GRK4: variants seen among roughly 807,000 people sequenced by gnomAD.
GRK4 encodes G protein-coupled receptor kinase 2-like.
Under a neutral mutation model 77.9 loss-of-function variants are expected in GRK4, and 73 were observed. The ratio of observed to expected loss-of-function variants is 0.94; its 90% CI spans 0.78 to 1.14. The LOEUF is 1.14. Ranked by LOEUF, GRK4 falls within the 50% of genes most tolerant of loss-of-function variation. The pLI is 0.00. For synonymous variants in GRK4, 257 were observed against 254.4 expected (o/e 1.01, Z -0.10); for missense variants, 729 against 700.2 (o/e 1.04, Z -0.46).
intron 4 of GRK4, among the ~76,000 whole-genome samples, chr4:2,999,929 A>G (rs1304813411): frequency 6.6e-6 from 1 of 152,236 alleles, no homozygotes; most frequent in Non-Finnish European, 1.5e-5. Flanking sequence ...TTACAATGCA[A>G]CAATAAAAAG....
At chr4:3,004,404 G>A (rs1236405897) in intron 5 of GRK4, 70 bp downstream of exon 5, 1 of 993,186 alleles carries the variant, frequency 1.0e-6, no homozygotes, top group Non-Finnish European at 1.6e-6. Flanking sequence ...CTTTCAGGAG[G>A]TTTCTCTGCA....
intron 1 of GRK4, among the ~76,000 whole-genome samples, chr4:2,979,723 C>G (rs914752249): frequency 2.6e-5 from 4 of 152,114 alleles, no homozygotes; most frequent in Non-Finnish European, 5.9e-5. Flanking sequence ...CCCTACCCCC[C>G]CAAAAAAAAT....
Position 2,996,362 on chromosome 4 carries a change from C to A in GRK4, c.339+4070C>A, listed in dbSNP as rs535524280. On this transcript the variant is annotated intron_variant, in intron 4 of 15. Transcript: ENST00000398052. Reference sequence around the variant, plus strand: ...CTGTGGTCAGAAGTTCGAGACCATCCTGGCCAAGATGGTGAAACCCCGTCT... The same window carrying A: ...CTGTGGTCAGAAGTTCGAGACCATCATGGCCAAGATGGTGAAACCCCGTCT... Among the ~76,000 whole-genome samples the A allele has an allele frequency of 5.3e-5, 8 of 152,220 alleles. No homozygotes were observed. In the South Asian group the frequency reaches 1.7e-3, roughly 32 times the overall value.
At chr4:2,999,755 C>T (rs1192963608) in intron 4 of GRK4, among the ~76,000 whole-genome samples, 1 of 152,110 alleles carries the variant, frequency 6.6e-6, no homozygotes, top group African/African-American at 2.4e-5. Flanking sequence ...ACCTAAAGCA[C>T]AAGCAACAAA....
At chr4:3,008,802 CAAAA>C (rs61512480) in intron 6 of GRK4, among the ~76,000 whole-genome samples, 1 of 105,002 alleles carries the variant, frequency 9.5e-6, no homozygotes, top group Admixed American at 1.0e-4. Flanking sequence ...GACTCTGTCT[CAAAA>C]AAAAAAAAAA....
rs1189140216 is a variant in GRK4 at position 2,963,997 on chromosome 4, C to T, written c.-74C>T. 6 of 1,346,538 alleles carry T rather than the reference C, an allele frequency of 4.5e-6. No homozygotes were observed. Among genetic ancestry groups the T allele is most frequent in the Admixed American group, 3.8e-5 (2 of 52,440 alleles). The allele number at this position is 1,346,538 out of a possible 1,614,324, so 83.4% of individuals were successfully genotyped here. A position where few individuals can be genotyped will look rare whatever the true frequency, so the allele number is the denominator to read the frequency against. On this transcript the variant is annotated 5_prime_UTR_variant, in exon 1 of 16. Coordinates refer to ENST00000398052, the MANE Select transcript of GRK4 (RefSeq NM_182982.3). ...CCCGGCGAGCTATGCACGGGGGCGG[C>T]GGCGTCTCCTCCTGTTCCGCCTCCT...
intron 12 of GRK4, 133 bp from the exon 13 acceptor site, chr4:3,035,253 A>T: frequency 1.1e-6 from 1 of 929,582 alleles, no homozygotes; most frequent in African/African-American, 1.7e-5. Context: ...TCAAAAAAAG[A>T]AAAAAAAAGA....
intron 1 of GRK4, among the ~76,000 whole-genome samples, chr4:2,973,199 C>T (rs541008438): frequency 1.0e-3 from 153 of 152,358 alleles, no homozygotes; most frequent in Non-Finnish European, 1.7e-3. Flanking sequence ...GTCATGCTTT[C>T]TTCCGTGAGC....
intron 12 of GRK4, among the ~76,000 whole-genome samples, chr4:3,034,908 T>C: frequency 6.6e-6 from 1 of 152,176 alleles, no homozygotes; most frequent in Non-Finnish European, 1.5e-5. Context: ...TGAAGTGTCA[T>C]ATAATTTAAT....
intron 5 of GRK4, among the ~76,000 whole-genome samples, chr4:3,007,109 G>A (rs981941873): frequency 6.6e-6 from 1 of 152,240 alleles, no homozygotes; most frequent in Admixed American, 6.5e-5. Flanking sequence ...GGCTGAGATG[G>A]GAGGATTGCT....
intron 7 of GRK4, 26 bp downstream of exon 7, chr4:3,009,737 C>T: frequency 6.3e-7 from 1 of 1,585,004 alleles, no homozygotes; most frequent in Non-Finnish European, 8.7e-7. Flanking sequence ...CAGTTCATAG[C>T]AGCGCTGCTA....
intron 4 of GRK4, among the ~76,000 whole-genome samples, 175 bp downstream of exon 4, chr4:2,992,467 C>T (rs1726528278): frequency 6.6e-6 from 1 of 151,946 alleles, no homozygotes; most frequent in African/African-American, 2.4e-5. Context: ...ATCTCTTTAG[C>T]CCAGGAGTTC....
At chr4:2,999,747 C>A (rs1423216121) in intron 4 of GRK4, among the ~76,000 whole-genome samples, 1 of 152,052 alleles carries the variant, frequency 6.6e-6, no homozygotes, top group East Asian at 1.9e-4. Context: ...GATATGACAC[C>A]TAAAGCACAA....
At chr4:3,038,825 C>A (rs537331449) in intron 15 of GRK4, 5 of 255,776 alleles carry the variant, frequency 2.0e-5, no homozygotes, top group African/African-American at 1.2e-4. Flanking sequence ...TCCTGTGGAA[C>A]CTTCGTCAGA....
intron 8 of GRK4, among the ~76,000 whole-genome samples, chr4:3,015,444 G>A (rs1734156716): frequency 6.6e-6 from 1 of 152,048 alleles, no homozygotes; most frequent in African/African-American, 2.4e-5. Flanking sequence ...CCAGCACTTT[G>A]GGAGGCCGAG....
At chr4:3,000,731 AT>A (rs749119482) in intron 4 of GRK4, among the ~76,000 whole-genome samples, 9 of 148,610 alleles carry the variant, frequency 6.1e-5, no homozygotes, top group African/African-American at 1.5e-4. Flanking sequence ...TGCCCAGCTA[AT>A]TTTTTTTTTG....
chr4:2,976,596 C>T (rs540145759), intron 1 of GRK4, among the ~76,000 whole-genome samples: 1 of 150,882 alleles, frequency 6.6e-6, no homozygotes, highest in East Asian at 1.9e-4. Context: ...CCGTTCTTTC[C>T]TAGACACATT....
chr4:3,013,218 G>GT (rs1733414937), intron 7 of GRK4, among the ~76,000 whole-genome samples: 1 of 151,428 alleles, frequency 6.6e-6, no homozygotes, highest in African/African-American at 2.4e-5. Flanking sequence ...TAATTTTTTT[G>GT]TTTTTTTATT....
intron 1 of GRK4, among the ~76,000 whole-genome samples, chr4:2,979,413 A>AAC (rs1553875543): frequency 6.7e-6 from 1 of 149,420 alleles, no homozygotes; most frequent in Non-Finnish European, 1.5e-5. Context: ...CAAAAAAAAA[A>AAC]AAAAAAAAAA....
Sources: gnomAD v4.1 joint callset for allele counts (sites outside exome capture counted in the v4.1 genomes callset) on GRCh38, gnomAD v4.1.1 for gene constraint, MANE v1.5 for transcripts, NCBI Gene and HGNC (gene_info 2026-07-23, HGNC 2026-07-21) for gene names.